Variants in HACE1 observed in about 807,000 individuals in gnomAD.
HACE1 encodes E3 ubiquitin-protein ligase HACE1.
A neutral mutation model predicts 118.4 loss-of-function variants in HACE1; 73 were observed. The ratio of observed to expected loss-of-function variants is 0.62; its 90% CI spans 0.51 to 0.75. The LOEUF is 0.75. HACE1 is among the 30% of genes least tolerant of loss of function. The pLI is 0.00. For missense variants in HACE1, 749 were observed against 1,102.2 expected, an observed-to-expected ratio of 0.68 and a Z score of 4.54; for synonymous variants, 368 against 374.8, an observed-to-expected ratio of 0.98 and a Z score of 0.21.
chr6:104,843,428 A>G, intron 4 of HACE1, 130 bp from the exon 5 acceptor site: 1 of 697,132 alleles, frequency 1.4e-6, no homozygotes, highest in East Asian at 2.6e-5. Flanking sequence ...TGTAATATCA[A>G]GCCATATCTG....
chr6:104,737,472 C>A (rs1776016955), intron 22 of HACE1, among the ~76,000 whole-genome samples: 1 of 152,060 alleles, frequency 6.6e-6, no homozygotes, highest in Non-Finnish European at 1.5e-5. Flanking sequence ...TGGGTGTGCG[C>A]ACCGTGCGCG....
chr6:104,756,972 C>T (rs960035887), intron 19 of HACE1, among the ~76,000 whole-genome samples: 23 of 152,298 alleles, frequency 1.5e-4, no homozygotes, highest in African/African-American at 5.1e-4. Context: ...TGACCTGGGT[C>T]GCTGGACCTT....
chr6:104,807,052 C>T (rs13198882), intron 7 of HACE1, among the ~76,000 whole-genome samples: 21,406 of 139,614 alleles, frequency 0.15, 1,570 homozygotes, highest in Middle Eastern at 0.25. Flanking sequence ...GAGATGGAGT[C>T]TCACTCTGTT....
intron 7 of HACE1, 54 bp downstream of exon 7, chr6:104,811,257 T>C (rs959181054): frequency 3.4e-6 from 1 of 297,656 alleles, no homozygotes; most frequent in Non-Finnish European, 6.3e-6. Context: ...CATATATATA[T>C]ATATATATAT....
intron 2 of HACE1, 89 bp downstream of exon 2, chr6:104,852,228 T>TGTGTGTGCGTGC (rs142463116): frequency 1.5e-6 from 1 of 660,804 alleles, no homozygotes; most frequent in African/African-American, 2.5e-5. Flanking sequence ...TGTGTGTGTG[T>TGTGTGTGCGTGC]GCGCGCGTGC....
intron 22 of HACE1, among the ~76,000 whole-genome samples, chr6:104,735,014 A>G (rs78489856): frequency 0.17 from 25,372 of 152,076 alleles, 2,197 homozygotes; most frequent in Middle Eastern, 0.23. Flanking sequence ...AACAGAAATT[A>G]TAAAAACTTA....
intron 18 of HACE1, 95 bp downstream of exon 18, chr6:104,771,830 A>T (rs1470562767): frequency 4.5e-6 from 4 of 883,728 alleles, no homozygotes; most frequent in Non-Finnish European, 7.3e-6. Context: ...AATAAAAATT[A>T]TCTCATCCAA....
intron 7 of HACE1, among the ~76,000 whole-genome samples, chr6:104,810,427 GAA>G (rs1310449318): frequency 3.3e-5 from 5 of 152,042 alleles, no homozygotes; most frequent in African/African-American, 1.2e-4. Context: ...CAGAAAAAAA[GAA>G]GAAGAGAGGA....
intron 22 of HACE1, 153 bp from the exon 23 acceptor site, chr6:104,730,569 T>C: frequency 1.6e-6 from 1 of 634,576 alleles, no homozygotes; most frequent in East Asian, 2.8e-5. Flanking sequence ...TTCATTACTG[T>C]AAGTTGCTTT....
intron 20 of HACE1, among the ~76,000 whole-genome samples, chr6:104,747,802 A>G (rs765566155): frequency 2.6e-5 from 4 of 152,176 alleles, no homozygotes; most frequent in Non-Finnish European, 5.9e-5. Context: ...CAAATACTAA[A>G]TGCTTAATAA....
At chr6:104,798,008 C>T (rs1425760432) in intron 7 of HACE1, among the ~76,000 whole-genome samples, 2 of 149,650 alleles carry the variant, frequency 1.3e-5, no homozygotes, top group African/African-American at 4.9e-5. Flanking sequence ...GCAGAAGTTG[C>T]AGTGAGCCAA....
At chr6:104,828,600 G>C (rs1022098534) in intron 6 of HACE1, among the ~76,000 whole-genome samples, 5 of 151,780 alleles carry the variant, frequency 3.3e-5, no homozygotes, top group Non-Finnish European at 5.9e-5. Context: ...TATTAAATAC[G>C]GATAGAAGTA....
At chr6:104,751,608 C>A (rs1295096929) in intron 19 of HACE1, among the ~76,000 whole-genome samples, 1 of 151,718 alleles carries the variant, frequency 6.6e-6, no homozygotes, top group African/African-American at 2.4e-5. Context: ...CCAACCCGGG[C>A]AACAGGGCAA....
chr6:104,763,605 AG>A (rs1198920285), intron 19 of HACE1, among the ~76,000 whole-genome samples: 1 of 151,784 alleles, frequency 6.6e-6, no homozygotes, highest in African/African-American at 2.4e-5. Context: ...AAAAAAAAAA[AG>A]GGGCATACCA....
rs749576241 is a variant in HACE1, at chr6:104,762,053, A to G, written c.2211+9140T>C. ...TCATTAAAAAGTCAGGAAACAACAG[A>G]TGCTGGAGAGGTTGTGGAGAAAGAG... On this transcript the variant is annotated intron_variant, in intron 19 of 23. Transcript: ENST00000262903. Among the ~76,000 whole-genome samples the G allele has an allele frequency of 9.6e-4, 146 of 152,286 alleles. 3 individuals carry two copies. Among genetic ancestry groups the G allele is most frequent in the Non-Finnish European group, 1.4e-3 (95 of 68,022 alleles).
rs193187153 is a variant in HACE1, at chr6:104,844,235, C to A, written c.327-937G>T. Among the ~76,000 whole-genome samples the A allele has an allele frequency of 2.9e-3, 434 of 152,134 alleles. 1 individual carries two copies. The highest frequency in any genetic ancestry group is 0.01 in the Middle Eastern group (3 of 294). Reference sequence around the variant, plus strand: ...TATTTTTAGTAGAAACGGGGTTTCACCATGTTGGCCAGGATGGTCTTGATC... The same window carrying A: ...TATTTTTAGTAGAAACGGGGTTTCAACATGTTGGCCAGGATGGTCTTGATC... On this transcript the variant is annotated intron_variant, in intron 4 of 23. Coordinates refer to ENST00000262903, the MANE Select transcript of HACE1 (RefSeq NM_020771.4).
chr6:104,767,604 T>C (rs1332921871), intron 19 of HACE1, among the ~76,000 whole-genome samples: 2 of 152,210 alleles, frequency 1.3e-5, no homozygotes, highest in African/African-American at 2.4e-5. Flanking sequence ...GACTTCAGAA[T>C]AATTTTCAAA....
In HACE1 at chr6:104,859,723, G is replaced by C. The variant is rs1233025556; in HGVS notation, c.-81C>G. The C allele has an allele frequency of 3.9e-6, 5 of 1,271,262 alleles. No homozygotes were observed. The highest frequency in any genetic ancestry group is 5.4e-6 in the Non-Finnish European group (5 of 921,012). 78.7% of individuals were successfully genotyped at this position (1,271,262 alleles called of 1,614,324 possible). On this transcript the variant is annotated 5_prime_UTR_variant, in exon 1 of 24. Coordinates refer to ENST00000262903, the MANE Select transcript of HACE1 (RefSeq NM_020771.4). ...CGCCCAGAGCCCTACATCTCGCCTG[G>C]GCCCGTCCAGCAGGCGGAGACGCGG...
intron 4 of HACE1, among the ~76,000 whole-genome samples, chr6:104,844,456 G>T (rs1017511545): frequency 8.0e-5 from 12 of 150,730 alleles, no homozygotes; most frequent in Non-Finnish European, 1.5e-4. Context: ...CAATTCTTCT[G>T]TCTCAGCCTC....
Sources: gnomAD v4.1 joint callset for allele counts (sites outside exome capture counted in the v4.1 genomes callset) on GRCh38, gnomAD v4.1.1 for gene constraint, MANE v1.5 for transcripts, NCBI Gene and HGNC (gene_info 2026-07-23, HGNC 2026-07-21) for gene names.